Variants in NAA38 observed in about 807,000 individuals in gnomAD.
NAA38 encodes the protein N-alpha-acetyltransferase 38, NatC auxiliary subunit.
Under a neutral mutation model 12.6 loss-of-function variants are expected in NAA38, and 15 were observed. The observed-to-expected ratio is 1.19, with a 90% CI of 0.79 to 1.83. The LOEUF is 1.83. Ranked by LOEUF, NAA38 falls within the 40% of genes most tolerant of loss-of-function variation. The pLI is 0.00. For missense variants in NAA38, 183 were observed against 171.7 expected (o/e 1.07, Z -0.37); for synonymous variants, 88 against 69.9 (o/e 1.26, Z -1.29).
upstream of NAA38, chr17:7,858,384 C>G: frequency 6.2e-7 from 1 of 1,614,122 alleles, no homozygotes; most frequent in South Asian, 1.1e-5. Context: ...TTGACAGTGG[C>G]TGTGCTGCTC....
At chr17:7,859,914 G>GTAGT (rs2078870420), upstream of NAA38, 3 of 373,816 alleles carry the variant, frequency 8.0e-6, no homozygotes, top group South Asian at 3.0e-5. Flanking sequence ...TTAAGAGAGA[G>GTAGT]TAGTTCTACA....
At chr17:7,859,417 C>T (rs765211250), upstream of NAA38, 1 of 1,614,068 alleles carries the variant, frequency 6.2e-7, no homozygotes. Flanking sequence ...AAATCCTACA[C>T]CGCTATCTCC....
At position 7,856,687 on chromosome 17, in the gene NAA38, C is replaced by T; in HGVS notation, c.*44G>A. 5 of 1,503,864 alleles carry T rather than the reference C, an allele frequency of 3.3e-6. No homozygotes were observed. The highest frequency in any genetic ancestry group is 3.7e-6 in the Non-Finnish European group (4 of 1,081,400). 93.2% of individuals were successfully genotyped at this position (1,503,864 alleles called of 1,614,324 possible). On this transcript the variant is annotated 3_prime_UTR_variant, in exon 3 of 3. Coordinates refer to ENST00000575771, the MANE Select transcript of NAA38 (RefSeq NM_001320925.4). ...AGCTACACACAGACACAGGCCCATT[C>T]GGTCATAAGTTTAATGAAGTCTGAA...
chr17:7,858,089 A>T, upstream of NAA38: 1 of 1,608,686 alleles, frequency 6.2e-7, no homozygotes, highest in Non-Finnish European at 8.5e-7. Flanking sequence ...CGTGCTGAGG[A>T]GCAAAGGAGT....
chr17:7,857,427 C>A lies in NAA38; in HGVS notation c.37G>T (p.Glu13Ter). The A allele has an allele frequency of 6.3e-7, 1 of 1,588,406 alleles. No individual in the cohort carries two copies. Among genetic ancestry groups the A allele is most frequent in the South Asian group, 1.1e-5 (1 of 87,734 alleles). Residue 13 changes from glutamate (E) to a stop codon, truncating the protein, a stop_gained, in exon 1 of 3, where the codon GAG becomes TAG. Transcript: ENST00000575771. LOFTEE classifies it high-confidence loss of function. ...GAGPTMLLRE[E>*]NGCCSRRQSS... ...TGACGCCGACTGCAACAGCCATTCT[C>A]TTCTCGTAGCAGCATGGTCGGTCCA...
chr17:7,881,166 C>T (rs962239206), intron 2 of NAA38, among the ~76,000 whole-genome samples: 4 of 152,038 alleles, frequency 2.6e-5, no homozygotes, highest in Non-Finnish European at 4.4e-5. Context: ...AGAGGAACTC[C>T]GGGACTAGGG....
At chr17:7,865,950 A>C in intron 3 of NAA38, 1 of 152,180 alleles carries the variant, frequency 6.6e-6, no homozygotes, top group East Asian at 1.9e-4. Flanking sequence ...CAGTCCTGGA[A>C]ACTGTGAATA....
intron 1 of NAA38, among the ~76,000 whole-genome samples, chr17:7,883,490 G>A (rs1967352982): frequency 6.6e-6 from 1 of 152,070 alleles, no homozygotes; most frequent in African/African-American, 2.4e-5. Flanking sequence ...CGAGGGAAAG[G>A]GGAAAAGAGT....
At chr17:7,884,241 A>G (rs1967407572) in intron 1 of NAA38, among the ~76,000 whole-genome samples, 1 of 150,112 alleles carries the variant, frequency 6.7e-6, no homozygotes, top group South Asian at 2.1e-4. Context: ...ATATTAAGCC[A>G]GCCATTTTGT....
At chr17:7,872,895 C>T (rs1967110483) in intron 2 of NAA38, among the ~76,000 whole-genome samples, 1 of 152,158 alleles carries the variant, frequency 6.6e-6, no homozygotes, top group Non-Finnish European at 1.5e-5. Flanking sequence ...GTGTGCTAGA[C>T]TGATACGACA....
Position 7,872,377 on chromosome 17 carries a change from T to C in NAA38, c.-65-5819A>G, listed in dbSNP as rs1293918837. On this transcript the variant is annotated intron_variant, in intron 2 of 4. Coordinates refer to the NAA38 transcript ENST00000576861. ...TTGAGCAGAATTACATTTTTTGTTTTGTTTTGTTTTTTGAGACGGAGTCGC... is the reference window on the plus strand; with the variant it reads ...TTGAGCAGAATTACATTTTTTGTTTCGTTTTGTTTTTTGAGACGGAGTCGC... 2.0e-5 allele frequency among the ~76,000 whole-genome samples: 3 copies of C among 152,234 alleles called. No individual in the cohort carries two copies. In the East Asian group the frequency reaches 5.8e-4, roughly 29 times the overall value.
chr17:7,859,003 G>C (rs1597873549), upstream of NAA38: 2 of 592,848 alleles, frequency 3.4e-6, no homozygotes, highest in African/African-American at 3.7e-5. Context: ...TTCTAGGAGT[G>C]TCTGGGTCAC....
At chr17:7,866,608 T>A in intron 2 of NAA38, 2 of 935,636 alleles carry the variant, frequency 2.1e-6, no homozygotes, top group Non-Finnish European at 2.8e-6. Context: ...ATGCTGTTCC[T>A]CTGTGTGGAA....
intron 1 of NAA38, 91 bp downstream of exon 1, chr17:7,857,292 A>T: frequency 6.2e-7 from 1 of 1,609,718 alleles, no homozygotes; most frequent in Non-Finnish European, 8.5e-7. Flanking sequence ...ACTCACACAA[A>T]GCCCAGAGGC....
At chr17:7,880,004 CAG>C (rs55898750) in intron 2 of NAA38, among the ~76,000 whole-genome samples, 4 of 150,322 alleles carry the variant, frequency 2.7e-5, no homozygotes, top group Non-Finnish European at 4.4e-5. Flanking sequence ...GACAGGCAAA[CAG>C]AGAGAGAGAG....
At chr17:7,872,931 C>T (rs900512405) in intron 2 of NAA38, among the ~76,000 whole-genome samples, 1 of 152,146 alleles carries the variant, frequency 6.6e-6, no homozygotes, top group Non-Finnish European at 1.5e-5. Flanking sequence ...AGGGCCCCTC[C>T]TCTCTGGAGC....
upstream of NAA38, chr17:7,860,708 T>C (rs572614412): frequency 6.6e-6 from 1 of 152,290 alleles, no homozygotes; most frequent in African/African-American, 2.4e-5. Flanking sequence ...ATTGTATAGT[T>C]TGCAGTTATT....
chr17:7,867,140 C>T (rs980415976), intron 2 of NAA38, among the ~76,000 whole-genome samples: 3 of 151,728 alleles, frequency 2.0e-5, no homozygotes, highest in Non-Finnish European at 4.4e-5. Context: ...TTGGAGAGCT[C>T]GGAGGCAGAA....
exon 2 of NAA38, chr17:7,883,303 A>T (rs1239581903): frequency 6.6e-6 from 1 of 152,168 alleles, no homozygotes; most frequent in East Asian, 1.9e-4. Flanking sequence ...TTTATCGGAT[A>T]GTGTTGGAGA....
Sources: gnomAD v4.1 joint callset for allele counts (sites outside exome capture counted in the v4.1 genomes callset) on GRCh38, gnomAD v4.1.1 for gene constraint, MANE v1.5 for transcripts, NCBI Gene and HGNC (gene_info 2026-07-23, HGNC 2026-07-21) for gene names.